Variants in DDX10 observed in about 807,000 individuals in gnomAD.
DDX10 encodes the protein DEAD-box helicase 10.
A neutral mutation model predicts 104.3 loss-of-function variants in DDX10; 74 were observed. The observed-to-expected ratio is 0.71, with a 90% CI of 0.59 to 0.86. The LOEUF (loss-of-function observed/expected upper bound fraction) is 0.86. DDX10 is among the 40% of genes least tolerant of loss of function. The probability of loss-of-function intolerance (pLI) is 0.00; values close to 1 mark genes in which losing one functional copy is unlikely to be tolerated. For synonymous variants in DDX10, 351 were observed against 353.4 expected, an observed-to-expected ratio of 0.99 and a Z score of 0.08; for missense variants, 952 against 1,040.0, an observed-to-expected ratio of 0.92 and a Z score of 1.16.
chr11:108,685,639 C>G (rs1436446784), intron 6 of DDX10, among the ~76,000 whole-genome samples: 1 of 147,626 alleles, frequency 6.8e-6, no homozygotes, highest in Non-Finnish European at 1.5e-5. Flanking sequence ...CAGGCATGGT[C>G]ATTGTGTTAA....
chr11:108,926,247 A>C (rs554347038), intron 17 of DDX10, among the ~76,000 whole-genome samples: 1 of 152,090 alleles, frequency 6.6e-6, no homozygotes, highest in Non-Finnish European at 1.5e-5. Context: ...GGAAATCTTG[A>C]GATTTCGTGA....
chr11:108,906,818 A>C (rs1863602898), intron 16 of DDX10, among the ~76,000 whole-genome samples: 2 of 152,358 alleles, frequency 1.3e-5, no homozygotes, highest in South Asian at 4.1e-4. Context: ...ATATTAAGAA[A>C]GCAAGTGAGT....
At chr11:108,854,070 G>A (rs1007064697) in intron 16 of DDX10, among the ~76,000 whole-genome samples, 1 of 152,194 alleles carries the variant, frequency 6.6e-6, no homozygotes, top group Non-Finnish European at 1.5e-5. Flanking sequence ...TCTGCAGCCA[G>A]GACTCAAACA....
chr11:108,851,153 A>T (rs1862786564), intron 15 of DDX10, among the ~76,000 whole-genome samples: 1 of 152,082 alleles, frequency 6.6e-6, no homozygotes, highest in African/African-American at 2.4e-5. Context: ...AGTCATTGTG[A>T]TCTTCGTAGA....
At chr11:108,760,663 C>A (rs1226720677) in intron 13 of DDX10, among the ~76,000 whole-genome samples, 1 of 148,198 alleles carries the variant, frequency 6.7e-6, no homozygotes, top group African/African-American at 2.5e-5. Flanking sequence ...TATTCATGTA[C>A]AACATAACAC....
intron 13 of DDX10, among the ~76,000 whole-genome samples, chr11:108,762,635 T>G (rs1490342016): frequency 5.9e-5 from 9 of 152,286 alleles, no homozygotes; most frequent in African/African-American, 2.2e-4. Context: ...ACATCTTAAT[T>G]GTGTAGGCAA....
At chr11:108,737,119 G>A (rs1348373142) in intron 13 of DDX10, among the ~76,000 whole-genome samples, 2 of 152,026 alleles carry the variant, frequency 1.3e-5, no homozygotes, top group Non-Finnish European at 2.9e-5. Context: ...CTCTTCCAAG[G>A]CATTCATTGA....
intron 10 of DDX10, among the ~76,000 whole-genome samples, chr11:108,707,767 G>A (rs2094278224): frequency 6.6e-6 from 1 of 152,130 alleles, no homozygotes; most frequent in African/African-American, 2.4e-5. Context: ...ATAAAAATAT[G>A]TTAAACCACA....
intron 14 of DDX10, 116 bp downstream of exon 14, chr11:108,838,681 G>T: frequency 8.3e-7 from 1 of 1,201,148 alleles, no homozygotes; most frequent in Non-Finnish European, 1.1e-6. Flanking sequence ...CAGCATGCTG[G>T]GCCATTCCTT....
intron 16 of DDX10, among the ~76,000 whole-genome samples, chr11:108,856,495 A>G (rs992321588): frequency 2.0e-5 from 3 of 151,934 alleles, no homozygotes; most frequent in African/African-American, 7.3e-5. Context: ...AAACAAAAAA[A>G]AAACCTTAAA....
intron 16 of DDX10, among the ~76,000 whole-genome samples, chr11:108,905,311 A>AGG (rs1565314586): frequency 2.3e-4 from 3 of 13,246 alleles, no homozygotes; most frequent in Non-Finnish European, 4.0e-4. Context: ...TAGATTGTTT[A>AGG]AGGGGGGGGG....
intron 16 of DDX10, among the ~76,000 whole-genome samples, chr11:108,870,155 T>A (rs11212797): frequency 0.46 from 69,674 of 151,988 alleles, 19,327 homozygotes; most frequent in Non-Finnish European, 0.61. Context: ...AAAAACTTTA[T>A]TAAAAATAGA....
intron 13 of DDX10, among the ~76,000 whole-genome samples, chr11:108,804,970 T>C (rs947284091): frequency 2.0e-5 from 3 of 152,168 alleles, no homozygotes; most frequent in Non-Finnish European, 2.9e-5. Context: ...ATTCTGTTTA[T>C]TAGAAAATAG....
chr11:108,814,489 C>T (rs1447594220), intron 13 of DDX10, among the ~76,000 whole-genome samples: 9 of 152,110 alleles, frequency 5.9e-5, no homozygotes, highest in Non-Finnish European at 1.2e-4. Context: ...TTTTGGATGA[C>T]AAGCCATCAC....
chr11:108,672,062 G>GAAAAAAAAAA, intron 1 of DDX10, among the ~76,000 whole-genome samples: 1 of 68,646 alleles, frequency 1.5e-5, no homozygotes, highest in Non-Finnish European at 2.7e-5. Flanking sequence ...CTCCATCTCG[G>GAAAAAAAAAA]AAAAAAAAAA....
intron 13 of DDX10, among the ~76,000 whole-genome samples, chr11:108,797,073 C>T (rs1378367259): frequency 2.6e-5 from 4 of 151,762 alleles, no homozygotes; most frequent in African/African-American, 4.8e-5. Flanking sequence ...CTTGCTCTGT[C>T]GCCAGGCTGG....
In DDX10 at chr11:108,680,906, C is replaced by CAAGA. The variant is rs1379370925; in HGVS notation, c.848+1348_848+1351dup. On this transcript the variant is annotated intron_variant, in intron 6 of 17. Transcript: ENST00000322536. ...TCTGAGTACTGGTATCTTTGACTTT[C>CAAGA]AAGAACTTGGGAATGGAATAGTAAG... Among the ~76,000 whole-genome samples the CAAGA allele has an allele frequency of 2.0e-5, 3 of 152,120 alleles. No individual in the cohort carries two copies. In the East Asian group the frequency reaches 5.8e-4, roughly 29 times the overall value.
chr11:108,940,416 A>G lies in DDX10; in HGVS notation c.2621A>G (p.Gln874Arg). 1 of 1,613,214 alleles carries G rather than the reference A, an allele frequency of 6.2e-7. No homozygotes were observed. Among genetic ancestry groups the G allele is most frequent in the Non-Finnish European group, 8.5e-7 (1 of 1,179,726 alleles). The change falls in exon 18 of 18, where the codon CAA becomes CGA. Residue 874 changes from glutamine (Q) to arginine (R), a missense_variant. This residue lies in a region of DDX10 where 533 missense variants were observed against 534.1 expected (regional missense o/e 1.00). Transcript: ENST00000322536. ...CTGGTGTTACATCTGCTAAGAAGTC[A>G]AAGCTAAATACTTCCTGCGCCTGCC... ...EELVLHLLRS[Q>R]S
chr11:108,790,656 C>T (rs1405010510), intron 13 of DDX10, among the ~76,000 whole-genome samples: 1 of 152,156 alleles, frequency 6.6e-6, no homozygotes, highest in Non-Finnish European at 1.5e-5. Flanking sequence ...TGTAGGTGTA[C>T]TCAGATGCAT....
Sources: allele counts gnomAD v4.1 joint callset (sites outside exome capture counted in the v4.1 genomes callset), GRCh38; gene constraint gnomAD v4.1.1; regional missense constraint gnomAD v4.1.1; transcripts MANE v1.5; gene names NCBI Gene and HGNC (gene_info 2026-07-23, HGNC 2026-07-21).